Variants in TEK observed in about 807,000 individuals in gnomAD.
The protein encoded by TEK is TEK receptor tyrosine kinase.
A neutral mutation model predicts 131.8 loss-of-function variants in TEK; 43 were observed. The observed-to-expected ratio is 0.33, with a 90% CI of 0.26 to 0.42. The LOEUF (loss-of-function observed/expected upper bound fraction) is 0.42. Among genes scored for constraint, TEK ranks in the 10% least tolerant of loss-of-function variants. The pLI, the probability that TEK is intolerant of heterozygous loss-of-function variation, is 1.00. For missense variants in TEK, 1,162 were observed against 1,384.4 expected (o/e 0.84, Z 2.55); for synonymous variants, 580 against 491.6 (o/e 1.18, Z -2.38).
chr9:27,115,620 A>AT (rs1188820066), intron 1 of TEK, among the ~76,000 whole-genome samples: 4 of 152,204 alleles, frequency 2.6e-5, no homozygotes, highest in African/African-American at 7.2e-5. Context: ...TTGTAGGTTG[A>AT]TTTTTCTGTC....
intron 2 of TEK, among the ~76,000 whole-genome samples, chr9:27,160,819 GCT>G (rs1406653605): frequency 6.6e-6 from 1 of 152,244 alleles, no homozygotes; most frequent in Non-Finnish European, 1.5e-5. Flanking sequence ...CAGGAATGCA[GCT>G]CTCCGTTGAG....
chr9:27,136,329 C>T (rs1822434452), intron 1 of TEK, among the ~76,000 whole-genome samples: 1 of 152,154 alleles, frequency 6.6e-6, no homozygotes, highest in African/African-American at 2.4e-5. Context: ...ATCCACCCAC[C>T]TCGGTCTCCC....
At chr9:27,211,948 T>C (rs1329055294) in intron 16 of TEK, among the ~76,000 whole-genome samples, 2 of 148,982 alleles carry the variant, frequency 1.3e-5, no homozygotes, top group African/African-American at 5.0e-5. Flanking sequence ...TTTTTAAAAA[T>C]TCCAAGAAAA....
At chr9:27,110,558 C>T (rs985071332) in intron 1 of TEK, among the ~76,000 whole-genome samples, 1 of 152,038 alleles carries the variant, frequency 6.6e-6, no homozygotes, top group African/African-American at 2.4e-5. Context: ...TAACGAAAAT[C>T]GAATTGATAT....
chr9:27,223,976 T>C (rs1025343768), intron 21 of TEK, among the ~76,000 whole-genome samples: 2 of 152,100 alleles, frequency 1.3e-5, no homozygotes, highest in Admixed American at 6.6e-5. Flanking sequence ...GAGAATACTA[T>C]AAACACCTCT....
intron 1 of TEK, among the ~76,000 whole-genome samples, chr9:27,138,130 G>C (rs1272149949): frequency 6.6e-6 from 1 of 152,244 alleles, no homozygotes; most frequent in Non-Finnish European, 1.5e-5. Flanking sequence ...CTCTCAGTGA[G>C]TGTTTCAGCT....
chr9:27,130,912 T>C (rs1469447445), intron 1 of TEK, among the ~76,000 whole-genome samples: 2 of 151,542 alleles, frequency 1.3e-5, no homozygotes, highest in Non-Finnish European at 2.9e-5. Flanking sequence ...TTGAAAGTGA[T>C]AGAAAAAAAT....
At chr9:27,215,560 G>GT (rs58505932) in intron 18 of TEK, among the ~76,000 whole-genome samples, 1,890 of 142,004 alleles carry the variant, frequency 0.013, 38 homozygotes, top group African/African-American at 0.044. Context: ...CTGCATTAGG[G>GT]TTTTTTTTTT....
intron 11 of TEK, 44 bp downstream of exon 11, chr9:27,192,667 G>T (rs765568649): frequency 6.3e-7 from 1 of 1,587,690 alleles, no homozygotes; most frequent in Non-Finnish European, 8.6e-7. Context: ...CTGGGTGGGA[G>T]GGGGAGGAAG....
intron 21 of TEK, among the ~76,000 whole-genome samples, chr9:27,224,558 C>T (rs1338395356): frequency 2.0e-5 from 3 of 152,066 alleles, no homozygotes; most frequent in Non-Finnish European, 4.4e-5. Context: ...ATTCAACACC[C>T]CCTCAGGCTA....
At chr9:27,199,175 T>G (rs1481085717) in intron 12 of TEK, among the ~76,000 whole-genome samples, 1 of 152,240 alleles carries the variant, frequency 6.6e-6, no homozygotes, top group Non-Finnish European at 1.5e-5. Context: ...GAATGGACAT[T>G]ATGAATTTTA....
intron 1 of TEK, among the ~76,000 whole-genome samples, chr9:27,117,704 C>T (rs1821624813): frequency 1.3e-5 from 2 of 152,206 alleles, no homozygotes; most frequent in African/African-American, 4.8e-5. Context: ...AAAATTTGGA[C>T]TAGCCAAAGA....
At chr9:27,161,280 G>A (rs573673703) in intron 2 of TEK, among the ~76,000 whole-genome samples, 3 of 152,252 alleles carry the variant, frequency 2.0e-5, no homozygotes, top group African/African-American at 7.2e-5. Context: ...GTTTTAATTC[G>A]TTCTCCATCA....
intron 1 of TEK, among the ~76,000 whole-genome samples, chr9:27,130,936 G>A (rs1822190822): frequency 1.3e-5 from 2 of 152,112 alleles, no homozygotes; most frequent in South Asian, 4.1e-4. Context: ...AACATCAATA[G>A]AAAAAGAGAG....
Position 27,217,575 on chromosome 9 carries a change from C to T in TEK, c.2992-113C>T. ...ACATGTAGCTGGGACATACACAAAG[C>T]AATGATTTCTGAGTCTACCCAGCAA... On this transcript the variant is annotated intron_variant, in intron 18 of 22. Coordinates refer to ENST00000380036, the MANE Select transcript of TEK (RefSeq NM_000459.5). The T allele has an allele frequency of 5.6e-6, 5 of 885,316 alleles. 1 individual carries two copies. In the South Asian group the frequency reaches 6.9e-5, roughly 12 times the overall value. The allele number at this position is 885,316 out of a possible 1,614,324, so 54.8% of individuals were successfully genotyped here.
intron 21 of TEK, among the ~76,000 whole-genome samples, chr9:27,221,120 C>T (rs545565297): frequency 6.0e-4 from 92 of 152,278 alleles, no homozygotes; most frequent in South Asian, 1.7e-3. Context: ...CTTGAGTAGG[C>T]GGTTTTCCCC....
intron 1 of TEK, among the ~76,000 whole-genome samples, chr9:27,127,424 C>T (rs1822030084): frequency 6.6e-6 from 1 of 152,168 alleles, no homozygotes; most frequent in African/African-American, 2.4e-5. Flanking sequence ...TGAATAGTGC[C>T]ACAATAAACG....
intron 1 of TEK, among the ~76,000 whole-genome samples, chr9:27,141,892 G>A (rs562464243): frequency 2.0e-5 from 3 of 152,192 alleles, no homozygotes; most frequent in African/African-American, 7.2e-5. Context: ...AGTTATAACA[G>A]TCTGCACATT....
At chr9:27,160,872 C>T (rs919387058) in intron 2 of TEK, among the ~76,000 whole-genome samples, 8 of 152,186 alleles carry the variant, frequency 5.3e-5, no homozygotes, top group African/African-American at 1.7e-4. Context: ...TGTGCCAAAG[C>T]TATCATGGCT....
Sources: gnomAD v4.1 joint callset for allele counts (sites outside exome capture counted in the v4.1 genomes callset) on GRCh38, gnomAD v4.1.1 for gene constraint, MANE v1.5 for transcripts, NCBI Gene and HGNC (gene_info 2026-07-23, HGNC 2026-07-21) for gene names.